NAALADL2: variants seen among roughly 807,000 people sequenced by gnomAD.
The protein encoded by NAALADL2 is inactive N-acetylated-alpha-linked acidic dipeptidase-like protein 2.
Under a neutral mutation model 87.2 loss-of-function variants are expected in NAALADL2, and 76 were observed. The ratio of observed to expected loss-of-function variants is 0.87; its 90% CI spans 0.72 to 1.05. NAALADL2 has a LOEUF of 1.05. Among genes scored for constraint, NAALADL2 ranks in the 50% least tolerant of loss-of-function variants. NAALADL2 has a pLI of 0.00. For synonymous variants in NAALADL2, 354 were observed against 331.0 expected, an observed-to-expected ratio of 1.07 and a Z score of -0.75; for missense variants, 1,089 against 945.8, an observed-to-expected ratio of 1.15 and a Z score of -1.99.
intron 13 of NAALADL2, among the ~76,000 whole-genome samples, chr3:175,785,035 G>A (rs559470264): frequency 6.9e-4 from 104 of 151,422 alleles, no homozygotes; most frequent in African/African-American, 2.5e-3. Context: ...TCTTAATCCT[G>A]AGTTCTAGTT....
intron 2 of NAALADL2, among the ~76,000 whole-genome samples, chr3:174,561,201 CTTT>C (rs200957982): frequency 5.7e-4 from 75 of 130,692 alleles, no homozygotes; most frequent in East Asian, 3.1e-3. Context: ...AATAGGATTC[CTTT>C]TTTTTTTTTT....
intron 2 of NAALADL2, among the ~76,000 whole-genome samples, chr3:174,624,395 G>A (rs1319774834): frequency 2.6e-5 from 4 of 152,076 alleles, no homozygotes; most frequent in African/African-American, 9.7e-5. Flanking sequence ...AGGCGGAGGC[G>A]GGTGGATCAT....
intron 2 of NAALADL2, among the ~76,000 whole-genome samples, chr3:174,734,241 C>T (rs1732977782): frequency 6.6e-6 from 1 of 152,072 alleles, no homozygotes; most frequent in African/African-American, 2.4e-5. Flanking sequence ...CTTTTATTCT[C>T]CACAAATGAG....
At chr3:175,132,537 G>A (rs535936541) in intron 2 of NAALADL2, among the ~76,000 whole-genome samples, 9 of 63,098 alleles carry the variant, frequency 1.4e-4, no homozygotes, top group African/African-American at 7.0e-4. Context: ...ACTCCCGGAC[G>A]GGAAGAATGG....
chr3:174,498,665 A>G (rs1405256653), intron 1 of NAALADL2, among the ~76,000 whole-genome samples: 1 of 151,416 alleles, frequency 6.6e-6, no homozygotes, highest in East Asian at 1.9e-4. Context: ...TAAATGAACT[A>G]TCAAACTATT....
chr3:175,193,854 A>G (rs1447574526), intron 2 of NAALADL2, among the ~76,000 whole-genome samples: 1 of 151,974 alleles, frequency 6.6e-6, no homozygotes, highest in Non-Finnish European at 1.5e-5. Flanking sequence ...TAGAATACAA[A>G]AGATAGAAAA....
chr3:174,807,307 G>A (rs1560243394), intron 3 of NAALADL2, among the ~76,000 whole-genome samples: 1 of 151,830 alleles, frequency 6.6e-6, no homozygotes, highest in African/African-American at 2.4e-5. Flanking sequence ...ACAGTGAAGT[G>A]AAAAAAACAC....
chr3:175,110,318 G>C (rs1723977045), intron 2 of NAALADL2, among the ~76,000 whole-genome samples: 1 of 151,654 alleles, frequency 6.6e-6, no homozygotes, highest in African/African-American at 2.4e-5. Flanking sequence ...GATGACCAGT[G>C]GTGTATGTTA....
At chr3:174,787,584 T>TGTATATATATATATAC (rs1560225453) in intron 3 of NAALADL2, among the ~76,000 whole-genome samples, 1 of 59,214 alleles carries the variant, frequency 1.7e-5, no homozygotes, top group Non-Finnish European at 3.6e-5. Flanking sequence ...ATCATATATA[T>TGTATATATATATATAC]ATATATATAT....
intron 2 of NAALADL2, among the ~76,000 whole-genome samples, chr3:174,735,650 C>G (rs1319116453): frequency 6.6e-6 from 1 of 152,184 alleles, no homozygotes; most frequent in Non-Finnish European, 1.5e-5. Context: ...ACCTCTACCT[C>G]ACAGGCTCAA....
intron 2 of NAALADL2, among the ~76,000 whole-genome samples, chr3:175,130,586 T>C (rs1727672329): frequency 6.6e-6 from 1 of 152,234 alleles, no homozygotes; most frequent in Admixed American, 6.5e-5. Flanking sequence ...CCCAATACCA[T>C]ATATTGAAGA....
intron 3 of NAALADL2, among the ~76,000 whole-genome samples, chr3:174,755,716 T>C (rs1711961213): frequency 6.6e-6 from 1 of 152,234 alleles, no homozygotes; most frequent in African/African-American, 2.4e-5. Flanking sequence ...AAATCGTAAA[T>C]CAAAGAGTTC....
intron 2 of NAALADL2, among the ~76,000 whole-genome samples, chr3:175,169,366 A>G (rs1734449192): frequency 6.6e-6 from 1 of 151,480 alleles, no homozygotes; most frequent in African/African-American, 2.4e-5. Context: ...CTTACTAGCT[A>G]TCACTACAGG....
At chr3:175,714,958 G>C (rs1279422354) in intron 11 of NAALADL2, among the ~76,000 whole-genome samples, 1 of 152,104 alleles carries the variant, frequency 6.6e-6, no homozygotes, top group African/African-American at 2.4e-5. Context: ...ATACCATTCA[G>C]GACATAGCCA....
At chr3:175,172,719 G>A (rs938004858) in intron 2 of NAALADL2, among the ~76,000 whole-genome samples, 2 of 152,114 alleles carry the variant, frequency 1.3e-5, no homozygotes, top group African/African-American at 4.8e-5. Flanking sequence ...ACAGGAAATG[G>A]AAGATTTGGA....
chr3:175,381,914 A>G (rs1767833157), intron 5 of NAALADL2, among the ~76,000 whole-genome samples: 1 of 152,036 alleles, frequency 6.6e-6, no homozygotes, highest in African/African-American at 2.4e-5. Flanking sequence ...GTGTGATGAG[A>G]TTGCTCTTTT....
intron 11 of NAALADL2, among the ~76,000 whole-genome samples, chr3:175,681,335 T>C (rs1277939333): frequency 6.6e-6 from 1 of 152,196 alleles, no homozygotes; most frequent in African/African-American, 2.4e-5. Context: ...TCTTGCATTC[T>C]GAATGTTTAT....
chr3:174,999,312 G>GC (rs1428949142), intron 1 of NAALADL2, among the ~76,000 whole-genome samples: 5 of 150,978 alleles, frequency 3.3e-5, no homozygotes, highest in African/African-American at 1.2e-4. Flanking sequence ...AGCTAATAGG[G>GC]GGAAAATTGT....
intron 2 of NAALADL2, among the ~76,000 whole-genome samples, chr3:175,203,014 G>T (rs1327042103): frequency 6.6e-6 from 1 of 151,988 alleles, no homozygotes. Flanking sequence ...TTTCCAGGTG[G>T]TGGACGAGAT....
Sources: gnomAD v4.1 joint callset for allele counts (sites outside exome capture counted in the v4.1 genomes callset) on GRCh38, gnomAD v4.1.1 for gene constraint, MANE v1.5 for transcripts, NCBI Gene and HGNC (gene_info 2026-07-23, HGNC 2026-07-21) for gene names.